Variants in PDE3B observed in about 807,000 individuals in gnomAD.
The protein encoded by PDE3B is cGMP-inhibited 3',5'-cyclic phosphodiesterase 3B.
PDE3B carries 66 observed loss-of-function variants against 116.8 expected under a neutral mutation model. That is an observed-to-expected ratio of 0.56 (90% CI 0.46 to 0.69). The LOEUF is 0.69. Among genes scored for constraint, PDE3B ranks in the 30% least tolerant of loss-of-function variants. The pLI is 0.00. For missense variants in PDE3B, 1,384 were observed against 1,368.1 expected, an observed-to-expected ratio of 1.01 and a Z score of -0.18; for synonymous variants, 595 against 533.6, an observed-to-expected ratio of 1.12 and a Z score of -1.59.
intron 1 of PDE3B, among the ~76,000 whole-genome samples, chr11:14,677,008 T>A (rs1340229905): frequency 6.6e-6 from 1 of 152,170 alleles, no homozygotes; most frequent in East Asian, 1.9e-4. Context: ...CAAAGTTTGC[T>A]TTTTCCATGT....
intron 1 of PDE3B, among the ~76,000 whole-genome samples, chr11:14,706,123 C>T (rs1855527089): frequency 6.6e-6 from 1 of 151,598 alleles, no homozygotes; most frequent in African/African-American, 2.4e-5. Context: ...TTCTCCCCCT[C>T]TCCTTCCCTT....
intron 1 of PDE3B, among the ~76,000 whole-genome samples, chr11:14,749,100 G>A (rs1001221450): frequency 2.0e-5 from 3 of 152,078 alleles, no homozygotes; most frequent in African/African-American, 7.2e-5. Flanking sequence ...TGTTGCTCAG[G>A]CTGGTGTCAA....
chr11:14,837,613 C>T (rs1860093673), intron 11 of PDE3B, among the ~76,000 whole-genome samples: 1 of 152,166 alleles, frequency 6.6e-6, no homozygotes. Flanking sequence ...TTTCTATCTC[C>T]AGTCTGTTCT....
the PDE3B span, among the ~76,000 whole-genome samples, chr11:14,882,228 C>G: frequency 6.6e-6 from 1 of 152,094 alleles, no homozygotes; most frequent in Admixed American, 6.6e-5. Flanking sequence ...GGTCCCTGCT[C>G]TCACAGAGCT....
chr11:14,785,841 C>T (rs1858173208), intron 2 of PDE3B, among the ~76,000 whole-genome samples: 1 of 151,890 alleles, frequency 6.6e-6, no homozygotes, highest in South Asian at 2.1e-4. Flanking sequence ...ATTTTTATCT[C>T]ATCATTTTCC....
chr11:14,644,195 G>A lies in PDE3B; in HGVS notation c.120G>A (p.Arg40=), dbSNP rs1474580322. The change falls in exon 1 of 16, where the codon CGG becomes CGA. Residue 40 remains arginine (R), a synonymous_variant. Coordinates refer to ENST00000282096, the MANE Select transcript of PDE3B (RefSeq NM_000922.4). The part of the protein sequence containing the change: ...GYVKSCVSPL[R]QDPPRGFFFH... The stretch of plus-strand genomic sequence containing the variant: ...TGAAGAGCTGCGTGAGCCCCTTGCG[G>A]CAGGACCCTCCGCGCGGCTTCTTCT... The A allele has an allele frequency of 1.3e-6, 2 of 1,597,050 alleles. No homozygotes were observed. Among genetic ancestry groups the A allele is most frequent in the South Asian group, 1.1e-5 (1 of 90,282 alleles).
At chr11:14,649,388 T>C (rs1268653647) in intron 1 of PDE3B, among the ~76,000 whole-genome samples, 1 of 152,204 alleles carries the variant, frequency 6.6e-6, no homozygotes, top group Non-Finnish European at 1.5e-5. Context: ...TTATATATTG[T>C]ACAAGGAAAA....
intron 1 of PDE3B, among the ~76,000 whole-genome samples, chr11:14,688,113 TTCTCTCTCTCTCTCTCTCTC>T (rs35700152): frequency 9.1e-6 from 1 of 109,880 alleles, no homozygotes; most frequent in Non-Finnish European, 1.8e-5. Context: ...CTCTCTCTCT[TTCTCTCTCTCTCTCTCTCTC>T]TCTCTCTCTC....
chr11:14,746,239 C>T (rs1275538051), intron 1 of PDE3B, among the ~76,000 whole-genome samples: 3 of 152,042 alleles, frequency 2.0e-5, no homozygotes, highest in Admixed American at 6.5e-5. Context: ...ACTAAAAATA[C>T]AAAAATTAGC....
chr11:14,812,379 A>G (rs1859169304), intron 5 of PDE3B, among the ~76,000 whole-genome samples: 1 of 152,226 alleles, frequency 6.6e-6, no homozygotes, highest in Non-Finnish European at 1.5e-5. Flanking sequence ...TAAATAACCT[A>G]TGGGTCAAAG....
At position 14,869,692 on chromosome 11, in the gene PDE3B, A is replaced by C. The variant is rs782666568; in HGVS notation, c.*32A>C. ...TTTGAGTAAAAGAAAAGTCATATTG[A>C]AGAAGCCCAGAGGGTTGTGCCCAGG... On this transcript the variant is annotated 3_prime_UTR_variant, in exon 16 of 16. Transcript: ENST00000282096. The C allele has an allele frequency of 1.3e-6, 2 of 1,581,288 alleles. No homozygotes were observed. The highest frequency in any genetic ancestry group is 1.7e-6 in the Non-Finnish European group (2 of 1,154,318).
At chr11:14,703,708 C>T (rs1192313231) in intron 1 of PDE3B, among the ~76,000 whole-genome samples, 2 of 151,520 alleles carry the variant, frequency 1.3e-5, no homozygotes, top group Non-Finnish European at 3.0e-5. Flanking sequence ...ACAGTTTGTA[C>T]AAAATTAATA....
chr11:14,728,453 G>T (rs1031319664), intron 1 of PDE3B, among the ~76,000 whole-genome samples: 17 of 152,068 alleles, frequency 1.1e-4, no homozygotes, highest in Non-Finnish European at 1.9e-4. Flanking sequence ...AGAAAAGGAA[G>T]AGGAAGTAAC....
intron 1 of PDE3B, among the ~76,000 whole-genome samples, chr11:14,676,666 G>A (rs568118021): frequency 2.6e-5 from 4 of 152,158 alleles, no homozygotes; most frequent in East Asian, 1.9e-4. Flanking sequence ...AAGTAACCGC[G>A]TCACAATGTC....
intron 9 of PDE3B, 35 bp from the exon 10 acceptor site, chr11:14,832,687 T>C: frequency 1.2e-6 from 1 of 805,704 alleles, no homozygotes; most frequent in Non-Finnish European, 2.0e-6. Flanking sequence ...GAAATTCTGA[T>C]TTTTAAAGTA....
intron 1 of PDE3B, among the ~76,000 whole-genome samples, chr11:14,723,165 A>C (rs1438882459): frequency 6.6e-6 from 1 of 152,202 alleles, no homozygotes. Flanking sequence ...TCCTTACAGA[A>C]TTGTATTGAG....
intron 2 of PDE3B, among the ~76,000 whole-genome samples, chr11:14,786,122 TAAATG>T (rs1464486948): frequency 6.6e-6 from 1 of 152,146 alleles, no homozygotes; most frequent in East Asian, 1.9e-4. Context: ...GTGAGTAAGG[TAAATG>T]AAATAAATGC....
the PDE3B span, among the ~76,000 whole-genome samples, chr11:14,895,380 G>C: frequency 1.3e-5 from 2 of 151,138 alleles, no homozygotes. Flanking sequence ...TTGATGTCTT[G>C]TTCGTAATGG....
chr11:14,752,197 C>T (rs1565121832), intron 1 of PDE3B, among the ~76,000 whole-genome samples: 1 of 152,142 alleles, frequency 6.6e-6, no homozygotes, highest in South Asian at 2.1e-4. Flanking sequence ...CTCTCAGTAT[C>T]CTGTGACTAT....
Sources: allele counts gnomAD v4.1 joint callset (sites outside exome capture counted in the v4.1 genomes callset), GRCh38; gene constraint gnomAD v4.1.1; transcripts MANE v1.5; gene names NCBI Gene and HGNC (gene_info 2026-07-23, HGNC 2026-07-21).